Variants in ADGRL3 observed in about 807,000 individuals in gnomAD.
ADGRL3 encodes the protein calcium-independent alpha-latrotoxin receptor 3.
A neutral mutation model predicts 153.5 loss-of-function variants in ADGRL3; 62 were observed. The observed-to-expected ratio is 0.40, with a 90% CI of 0.33 to 0.50. The LOEUF (loss-of-function observed/expected upper bound fraction) is 0.50. Among genes scored for constraint, ADGRL3 ranks in the 20% least tolerant of loss-of-function variants. ADGRL3 has a pLI of 0.47. For missense variants in ADGRL3, 1,641 were observed against 1,859.4 expected (o/e 0.88, Z 2.16); for synonymous variants, 710 against 672.5 (o/e 1.06, Z -0.86).
At chr4:61,204,763 A>G (rs948038602) in intron 1 of ADGRL3, among the ~76,000 whole-genome samples, 1 of 152,066 alleles carries the variant, frequency 6.6e-6, no homozygotes, top group African/African-American at 2.4e-5. Flanking sequence ...TTTTAGATAG[A>G]GATGTTAGGC....
At chr4:61,294,372 A>C (rs1679075876) in intron 1 of ADGRL3, among the ~76,000 whole-genome samples, 1 of 152,162 alleles carries the variant, frequency 6.6e-6, no homozygotes, top group Non-Finnish European at 1.5e-5. Flanking sequence ...GCCCAACTGT[A>C]GGCAAATTTA....
At chr4:61,414,640 G>A (rs1005404937) in intron 2 of ADGRL3, among the ~76,000 whole-genome samples, 1 of 151,588 alleles carries the variant, frequency 6.6e-6, no homozygotes, top group African/African-American at 2.4e-5. Context: ...AAAAGGAGGA[G>A]ACAGAGACAG....
At chr4:61,280,127 T>TG (rs2093661159) in intron 1 of ADGRL3, among the ~76,000 whole-genome samples, 4 of 136,102 alleles carry the variant, frequency 2.9e-5, no homozygotes, top group Admixed American at 1.6e-4. Flanking sequence ...TTTTTTTTTT[T>TG]GAGACCGAGT....
chr4:61,483,910 G>A (rs991633969), intron 2 of ADGRL3, among the ~76,000 whole-genome samples: 2 of 150,772 alleles, frequency 1.3e-5, no homozygotes, highest in African/African-American at 2.4e-5. Flanking sequence ...AGTATAGTGT[G>A]TTCTGTTATA....
chr4:61,934,803 A>C (rs1316377701), intron 13 of ADGRL3, 37 bp from the exon 14 acceptor site: 1 of 1,561,704 alleles, frequency 6.4e-7, no homozygotes. Flanking sequence ...ATGTGGGTTC[A>C]CTAGAGACCT....
At chr4:61,308,570 C>T (rs1028604531) in intron 1 of ADGRL3, among the ~76,000 whole-genome samples, 3 of 151,942 alleles carry the variant, frequency 2.0e-5, no homozygotes, top group Admixed American at 6.6e-5. Context: ...AGTCTGGCAC[C>T]GTAACTGCAT....
rs1046579540 is a variant in ADGRL3 at position 61,456,104 on chromosome 4, G to A, written c.-173-41017G>A. Among the ~76,000 whole-genome samples, 6 of 151,800 alleles carry A rather than the reference G, an allele frequency of 4.0e-5. No individual in the cohort carries two copies. In the South Asian group the frequency reaches 6.2e-4, roughly 16 times the overall value. ...GTGGCATGAGCCAATATGCCCGGCC[G>A]ACCCTACATTATTTTAAGAAATACA... On this transcript the variant is annotated intron_variant, in intron 2 of 26. Transcript: ENST00000683033.
At chr4:61,549,700 C>T (rs576197724) in intron 4 of ADGRL3, among the ~76,000 whole-genome samples, 4 of 152,030 alleles carry the variant, frequency 2.6e-5, no homozygotes, top group African/African-American at 4.8e-5. Context: ...ATTCAGGTCC[C>T]AGTATTGCCT....
At chr4:61,591,669 G>C (rs975062693) in intron 5 of ADGRL3, among the ~76,000 whole-genome samples, 1 of 152,038 alleles carries the variant, frequency 6.6e-6, no homozygotes, top group Non-Finnish European at 1.5e-5. Flanking sequence ...AAGTATAGGT[G>C]TTAAATGTAC....
intron 5 of ADGRL3, among the ~76,000 whole-genome samples, chr4:61,643,516 C>T (rs912867137): frequency 6.6e-6 from 1 of 151,594 alleles, no homozygotes; most frequent in Non-Finnish European, 1.5e-5. Context: ...TGAATTTTGT[C>T]AAAGGACTTT....
intron 4 of ADGRL3, among the ~76,000 whole-genome samples, chr4:61,524,764 C>CT (rs2098550098): frequency 6.6e-6 from 1 of 151,962 alleles, no homozygotes; most frequent in African/African-American, 2.4e-5. Context: ...CTTTTTTTGA[C>CT]TTTCTGTTTT....
chr4:61,222,332 T>C (rs1745989732), intron 1 of ADGRL3, among the ~76,000 whole-genome samples: 3 of 152,154 alleles, frequency 2.0e-5, no homozygotes, highest in South Asian at 4.1e-4. Context: ...TGTACATATT[T>C]ATGGAGTACA....
chr4:61,468,932 A>T (rs1220804685), intron 2 of ADGRL3, among the ~76,000 whole-genome samples: 1 of 152,166 alleles, frequency 6.6e-6, no homozygotes, highest in African/African-American at 2.4e-5. Flanking sequence ...TAAAGTATAT[A>T]TACAAAGTTA....
intron 4 of ADGRL3, among the ~76,000 whole-genome samples, chr4:61,573,803 CT>C (rs1249498099): frequency 4.0e-5 from 6 of 151,836 alleles, no homozygotes; most frequent in Non-Finnish European, 1.5e-5. Flanking sequence ...GTGCTACAAG[CT>C]TGGACATATG....
intron 2 of ADGRL3, among the ~76,000 whole-genome samples, chr4:61,467,806 T>G (rs2097903540): frequency 6.6e-6 from 1 of 152,168 alleles, no homozygotes; most frequent in Non-Finnish European, 1.5e-5. Flanking sequence ...TACATCATAT[T>G]ACTTGTTCTT....
intron 9 of ADGRL3, among the ~76,000 whole-genome samples, chr4:61,875,700 T>G (rs1017500871): frequency 6.6e-5 from 10 of 152,242 alleles, no homozygotes; most frequent in Non-Finnish European, 1.5e-4. Context: ...ACATTGAATT[T>G]TTTTATCCAT....
At chr4:61,472,787 A>G (rs986334241) in intron 2 of ADGRL3, among the ~76,000 whole-genome samples, 10 of 152,210 alleles carry the variant, frequency 6.6e-5, no homozygotes, top group African/African-American at 1.9e-4. Context: ...ACTTTTAATC[A>G]TAACTCCATG....
At chr4:61,500,693 T>C (rs556605817) in intron 3 of ADGRL3, among the ~76,000 whole-genome samples, 1 of 152,312 alleles carries the variant, frequency 6.6e-6, no homozygotes, top group Admixed American at 6.5e-5. Context: ...ATCCCTTTCC[T>C]CAGAGAAAAT....
chr4:61,840,392 TTA>T (rs1319183306), intron 9 of ADGRL3, among the ~76,000 whole-genome samples: 4 of 152,250 alleles, frequency 2.6e-5, no homozygotes, highest in Non-Finnish European at 5.9e-5. Context: ...TTTGTCTCAT[TTA>T]ACTTTCACAA....
Sources: allele counts gnomAD v4.1 joint callset (sites outside exome capture counted in the v4.1 genomes callset), GRCh38; gene constraint gnomAD v4.1.1; transcripts MANE v1.5; gene names NCBI Gene and HGNC (gene_info 2026-07-23, HGNC 2026-07-21).